The following ZNF480 variants were observed in gnomAD, a reference collection of about 807,000 sequenced individuals.
The protein encoded by ZNF480 is zinc finger protein 480.
A neutral mutation model predicts 14.4 loss-of-function variants in ZNF480; 15 were observed. The observed-to-expected ratio is 1.04, with a 90% CI of 0.70 to 1.60. ZNF480 has a LOEUF of 1.60. Among genes scored for constraint, ZNF480 ranks in the 40% most tolerant of loss-of-function variants. The pLI is 0.00. For missense variants in ZNF480, 593 were observed against 629.7 expected, an observed-to-expected ratio of 0.94 and a Z score of 0.62; for synonymous variants, 218 against 215.5, an observed-to-expected ratio of 1.01 and a Z score of -0.10.
chr19:52,297,570 T>C (rs915167275), intron 1 of ZNF480, among the ~76,000 whole-genome samples: 8 of 152,156 alleles, frequency 5.3e-5, no homozygotes, highest in African/African-American at 1.7e-4. Context: ...GCCTCGCCTT[T>C]GTTGGCCCTG....
chr19:52,313,014 T>C (rs1411354588), intron 2 of ZNF480, among the ~76,000 whole-genome samples: 1 of 151,902 alleles, frequency 6.6e-6, no homozygotes, highest in Non-Finnish European at 1.5e-5. Context: ...AGAGGTGGGG[T>C]TTCACCATGT....
At chr19:52,303,736 A>G (rs1383250934) in intron 2 of ZNF480, among the ~76,000 whole-genome samples, 1 of 152,326 alleles carries the variant, frequency 6.6e-6, no homozygotes, top group Non-Finnish European at 1.5e-5. Flanking sequence ...TGAGACTAGG[A>G]TCTCCTTTAA....
At chr19:52,310,693 A>T (rs143492709) in intron 2 of ZNF480, among the ~76,000 whole-genome samples, 192 of 152,014 alleles carry the variant, frequency 1.3e-3, no homozygotes, top group Non-Finnish European at 2.3e-3. Flanking sequence ...TTAATTATCT[A>T]GTAATTTCTT....
In ZNF480 at chr19:52,322,464, GA is replaced by G. The variant is rs776691572; in HGVS notation, c.1218del (p.Val407TyrfsTer41). 5 of 1,613,914 alleles carry G rather than the reference GA, an allele frequency of 3.1e-6. No homozygotes were observed. Among genetic ancestry groups the G allele is most frequent in the Non-Finnish European group, 4.2e-6 (5 of 1,179,968 alleles). On this transcript the variant is annotated frameshift_variant, in exon 5 of 5. Coordinates refer to ENST00000595962, the MANE Select transcript of ZNF480 (RefSeq NM_144684.4). LOFTEE classifies it low-confidence loss of function (END_TRUNC). ...AAACCTTACAAATGTAATGAATGTGGAAAAGTATTTAATCAACTTTCAAATC... is the reference window on the plus strand; with the variant it reads ...AAACCTTACAAATGTAATGAATGTGGAAAGTATTTAATCAACTTTCAAATC... ...GEKPYKCNEC[G>X]KVFNQLSNLA...
intron 4 of ZNF480, among the ~76,000 whole-genome samples, chr19:52,319,811 GTTT>G (rs56151161): frequency 6.1e-4 from 59 of 96,890 alleles, no homozygotes; most frequent in African/African-American, 1.2e-3. Flanking sequence ...CTGATACTGT[GTTT>G]TTTTTTTTTT....
At chr19:52,298,504 G>A (rs927282931) in intron 1 of ZNF480, among the ~76,000 whole-genome samples, 8 of 152,070 alleles carry the variant, frequency 5.3e-5, no homozygotes, top group Non-Finnish European at 1.2e-4. Context: ...GTCAGCGCGC[G>A]CGTGTAATCC....
chr19:52,297,589 C>T (rs979210508), intron 1 of ZNF480, among the ~76,000 whole-genome samples: 1 of 152,168 alleles, frequency 6.6e-6, no homozygotes, highest in Non-Finnish European at 1.5e-5. Flanking sequence ...TGGAGCACAG[C>T]GCTCCAATCT....
intron 2 of ZNF480, chr19:52,301,863 C>T (rs1458414882): frequency 1.3e-5 from 2 of 153,484 alleles, no homozygotes; most frequent in Non-Finnish European, 1.4e-5. Context: ...TACTCCTTCT[C>T]AGGCTCTTAC....
At chr19:52,300,633 T>A (rs1982645643) in intron 2 of ZNF480, 149 bp downstream of exon 2, 2 of 1,403,238 alleles carry the variant, frequency 1.4e-6, no homozygotes, top group African/African-American at 2.9e-5. Context: ...CGAGACCAGC[T>A]TGGTCGTGGG....
At chr19:52,314,397 T>C in intron 3 of ZNF480, 118 bp downstream of exon 3, 3 of 1,014,782 alleles carry the variant, frequency 3.0e-6, no homozygotes, top group Non-Finnish European at 3.8e-6. Context: ...GAGAATCACT[T>C]GAACCTGGGA....
At chr19:52,319,970 C>T (rs1385357115) in intron 4 of ZNF480, among the ~76,000 whole-genome samples, 2 of 151,588 alleles carry the variant, frequency 1.3e-5, no homozygotes, top group African/African-American at 2.4e-5. Flanking sequence ...GGTGCATGCC[C>T]CCATGTCCAT....
intron 2 of ZNF480, among the ~76,000 whole-genome samples, chr19:52,309,962 A>G (rs1039679976): frequency 6.6e-6 from 1 of 151,962 alleles, no homozygotes; most frequent in Admixed American, 6.6e-5. Context: ...TCTTTCCTGT[A>G]TGTGTCATTT....
At chr19:52,316,226 T>G (rs1478754292) in intron 4 of ZNF480, among the ~76,000 whole-genome samples, 1 of 151,864 alleles carries the variant, frequency 6.6e-6, no homozygotes, top group Non-Finnish European at 1.5e-5. Context: ...CTTTCTTCCT[T>G]TCTTCCTTTC....
chr19:52,310,326 G>C (rs1983210124), intron 2 of ZNF480, among the ~76,000 whole-genome samples: 1 of 151,922 alleles, frequency 6.6e-6, no homozygotes, highest in South Asian at 2.1e-4. Context: ...CAAAATGCTG[G>C]GATTACAGGC....
intron 2 of ZNF480, among the ~76,000 whole-genome samples, chr19:52,304,038 C>T (rs565244676): frequency 1.3e-5 from 2 of 152,208 alleles, no homozygotes; most frequent in East Asian, 1.9e-4. Flanking sequence ...CAAAGAATAT[C>T]GTCCATATAA....
At chr19:52,318,168 G>A (rs550058636) in intron 4 of ZNF480, among the ~76,000 whole-genome samples, 64 of 151,940 alleles carry the variant, frequency 4.2e-4, no homozygotes, top group South Asian at 6.2e-4. Context: ...ATGCAGTGGC[G>A]TGATCTCGGC....
chr19:52,314,328 A>G (rs201313826), intron 3 of ZNF480, 49 bp downstream of exon 3: 101 of 1,444,690 alleles, frequency 7.0e-5, no homozygotes, highest in Non-Finnish European at 8.9e-5. Flanking sequence ...TGGTTATTTC[A>G]GCATTTTCCC....
At chr19:52,311,548 A>G (rs190275522) in intron 2 of ZNF480, among the ~76,000 whole-genome samples, 3 of 152,276 alleles carry the variant, frequency 2.0e-5, no homozygotes, top group Admixed American at 6.5e-5. Context: ...TTCATGGTCT[A>G]TCATTTTTTA....
At chr19:52,301,206 A>G (rs1434515698) in intron 2 of ZNF480, 1 of 152,570 alleles carries the variant, frequency 6.6e-6, no homozygotes, top group African/African-American at 2.4e-5. Context: ...CACAAAGACA[A>G]ACAACACAGA....
Sources: allele counts gnomAD v4.1 joint callset (sites outside exome capture counted in the v4.1 genomes callset), GRCh38; gene constraint gnomAD v4.1.1; transcripts MANE v1.5; gene names NCBI Gene and HGNC (gene_info 2026-07-23, HGNC 2026-07-21).